The following TRIM62 variants were observed in gnomAD, a reference collection of about 807,000 sequenced individuals.
TRIM62 encodes tripartite motif containing 62, also known as E3 ubiquitin-protein ligase TRIM62.
Under a neutral mutation model 44.2 loss-of-function variants are expected in TRIM62, and 39 were observed. That is an observed-to-expected ratio of 0.88 (90% CI 0.68 to 1.15). The LOEUF is 1.15. Ranked by LOEUF, TRIM62 falls within the 50% of genes most tolerant of loss-of-function variation. The pLI is 0.00. For synonymous variants in TRIM62, 278 were observed against 292.3 expected (o/e 0.95, Z 0.50); for missense variants, 544 against 665.5 (o/e 0.82, Z 2.01).
chr1:33,170,369 T>C (rs954150868), intron 1 of TRIM62, among the ~76,000 whole-genome samples: 21 of 150,372 alleles, frequency 1.4e-4, no homozygotes, highest in African/African-American at 5.1e-4. Flanking sequence ...CCAGCCTGGG[T>C]GACAGAGCGA....
intron 1 of TRIM62, among the ~76,000 whole-genome samples, chr1:33,174,599 A>C (rs1167666486): frequency 6.6e-6 from 1 of 152,172 alleles, no homozygotes; most frequent in African/African-American, 2.4e-5. Flanking sequence ...AGAGAGAAGG[A>C]GAGCATGACT....
At chr1:33,154,396 A>C (rs1291428454) in intron 4 of TRIM62, among the ~76,000 whole-genome samples, 1 of 152,198 alleles carries the variant, frequency 6.6e-6, no homozygotes. Context: ...TCAGCCTGGC[A>C]TTCAAGGCCC....
At chr1:33,156,034 A>T (rs959737174) in intron 4 of TRIM62, among the ~76,000 whole-genome samples, 2 of 152,142 alleles carry the variant, frequency 1.3e-5, no homozygotes, top group African/African-American at 4.8e-5. Context: ...TTTGGTGCCC[A>T]CTTATTCTAC....
chr1:33,166,019 T>G (rs754466775), intron 1 of TRIM62: 1 of 152,882 alleles, frequency 6.5e-6, no homozygotes, highest in African/African-American at 2.4e-5. Context: ...TCCTCATCGC[T>G]GGCATTACCA....
rs981155455 is a variant in TRIM62 at position 33,159,977 on chromosome 1, G to C, written c.505-33C>G. ...GGACAGTCGTCAGGGGTTATGGCTGGGGGAGCAGATGGGGTGATCTCTGGG... is the reference window on the plus strand; with the variant it reads ...GGACAGTCGTCAGGGGTTATGGCTGCGGGAGCAGATGGGGTGATCTCTGGG... On this transcript the variant is annotated intron_variant, in intron 2 of 4. Transcript: ENST00000291416. This position sits in a 1 kb window ranked among gnomAD's most constrained non-coding sequence, Gnocchi z 4.2. The C allele has an allele frequency of 1.3e-5, 20 of 1,587,940 alleles. No homozygotes were observed. The highest frequency in any genetic ancestry group is 1.7e-5 in the Non-Finnish European group (20 of 1,169,852).
chr1:33,176,187 G>A (rs1645417544), intron 1 of TRIM62, among the ~76,000 whole-genome samples: 2 of 152,208 alleles, frequency 1.3e-5, no homozygotes, highest in Admixed American at 6.5e-5. Flanking sequence ...ACAAAATAAA[G>A]TGCCTCTGAA....
In TRIM62 at chr1:33,147,145, T is replaced by C. The variant is rs1331559047; in HGVS notation, c.*32A>G. 2 of 1,601,328 alleles carry C rather than the reference T, an allele frequency of 1.2e-6. No homozygotes were observed. Among genetic ancestry groups the C allele is most frequent in the South Asian group, 1.1e-5 (1 of 89,044 alleles). On this transcript the variant is annotated 3_prime_UTR_variant, in exon 5 of 5. Transcript: ENST00000291416. This position sits in a 1 kb window ranked among gnomAD's most constrained non-coding sequence, Gnocchi z 8.1. Reference sequence around the variant, plus strand: ...GCAGGGCTCTTGCAGGTGGCAGTGGTCCCAGGAGGTTGTGGTCTCCTTCTG... The same window carrying C: ...GCAGGGCTCTTGCAGGTGGCAGTGGCCCCAGGAGGTTGTGGTCTCCTTCTG...
chr1:33,146,891 T>G lies in TRIM62; in HGVS notation c.*286A>C. On this transcript the variant is annotated 3_prime_UTR_variant, in exon 5 of 5. Transcript: ENST00000291416. ...AGGTAGTCCCCTGCCCCTGAGAAGA[T>G]GGGGATGAGGGTTGGGCAGGGGTTG... is the stretch of plus-strand genomic sequence containing the variant. The G allele has an allele frequency of 9.2e-6, 4 of 433,958 alleles. No individual in the cohort carries two copies. Among genetic ancestry groups the G allele is most frequent in the South Asian group, 2.8e-5 (1 of 36,108 alleles). 26.9% of individuals were successfully genotyped at this position (433,958 alleles called of 1,614,324 possible). A position where few individuals can be genotyped will look rare whatever the true frequency, so the allele number is the denominator to read the frequency against.
Position 33,151,799 on chromosome 1 carries a change from A to T in TRIM62, c.878-4072T>A, listed in dbSNP as rs115955686. On this transcript the variant is annotated intron_variant, in intron 4 of 4. Coordinates refer to ENST00000291416, the MANE Select transcript of TRIM62 (RefSeq NM_018207.3). Reference sequence around the variant, plus strand: ...GATCATGGACTGTGGAGGTCCCAGGAGATGTTTCCCGGCCACCACTGAGCA... The same window carrying T: ...GATCATGGACTGTGGAGGTCCCAGGTGATGTTTCCCGGCCACCACTGAGCA... 2.2e-3 allele frequency among the ~76,000 whole-genome samples: 338 copies of T among 152,344 alleles called. 2 individuals are homozygous for T. Among genetic ancestry groups the T allele is most frequent in the African/African-American group, 7.8e-3 (323 of 41,578 alleles).
At chr1:33,170,618 G>A (rs1165788845) in intron 1 of TRIM62, among the ~76,000 whole-genome samples, 1 of 152,140 alleles carries the variant, frequency 6.6e-6, no homozygotes, top group Admixed American at 6.5e-5. Context: ...GAGTTCCTTG[G>A]ATGGGCTAGG....
At chr1:33,168,174 A>G (rs1251199888) in intron 1 of TRIM62, among the ~76,000 whole-genome samples, 1 of 152,152 alleles carries the variant, frequency 6.6e-6, no homozygotes, top group African/African-American at 2.4e-5. Flanking sequence ...TAAGATAGAA[A>G]AATACAAGCT....
Position 33,181,164 on chromosome 1 carries a change from G to T in TRIM62, c.269C>A (p.Ala90Glu). ...LDAILNARRA[A>E]RPCQAHDKVK... is the part of the protein sequence containing the mutation. Reference sequence around the variant, plus strand: ...CTTGTCGTGCGCCTGGCAGGGTCGCGCGGCGCGGCGCGCGTTGAGGATGGC... The same window carrying T: ...CTTGTCGTGCGCCTGGCAGGGTCGCTCGGCGCGGCGCGCGTTGAGGATGGC... Residue 90 changes from alanine (A) to glutamate (E), a missense_variant, in exon 1 of 5, where the codon GCG (alanine) becomes GAG (glutamate). Coordinates refer to ENST00000291416, the MANE Select transcript of TRIM62 (RefSeq NM_018207.3). The surrounding 1 kb of genome is among the most constrained non-coding windows in gnomAD (Gnocchi z 6.5). 1 of 1,596,980 alleles carries T rather than the reference G, an allele frequency of 6.3e-7. No individual in the cohort carries two copies.
In TRIM62 at chr1:33,147,074, C is replaced by T. The variant is rs1645029214; in HGVS notation, c.*103G>A. On this transcript the variant is annotated 3_prime_UTR_variant, in exon 5 of 5. Coordinates refer to ENST00000291416, the MANE Select transcript of TRIM62 (RefSeq NM_018207.3). The surrounding 1 kb of genome is among the most constrained non-coding windows in gnomAD (Gnocchi z 8.1). ...GGAGGGTAAACAACTGGCCTGAGGT[C>T]TCCAGTGGCCACGGTGGGCTGGAGT... 40 of 1,339,888 alleles carry T rather than the reference C, an allele frequency of 3.0e-5. 3 individuals carry two copies. In the South Asian group the frequency reaches 5.0e-4, roughly 17 times the overall value. The allele number at this position is 1,339,888 out of a possible 1,614,324, so 83.0% of individuals were successfully genotyped here.
chr1:33,147,449 A>G lies in TRIM62; in HGVS notation c.1156T>C (p.Phe386Leu). The change falls in exon 5 of 5, where the codon TTC becomes CTC. Residue 386 changes from phenylalanine to leucine, a missense_variant. Physicochemically the swap from Phe to Leu is conservative, Grantham distance 22. Transcript: ENST00000291416. This position sits in a 1 kb window ranked among gnomAD's most constrained non-coding sequence, Gnocchi z 8.1. ...CCATCGTGCATCACGATGCAGTAGA[A>G]GCCGCGGCTGGGCTGGATCTGGATG... is the stretch of plus-strand genomic sequence containing the variant. Reference protein sequence around the residue: ...GSIQIQPSRGFYCIVMHDGNQ... With the variant: ...GSIQIQPSRGLYCIVMHDGNQ... The G allele has an allele frequency of 6.2e-7, 1 of 1,613,852 alleles. No homozygotes were observed. Among genetic ancestry groups the G allele is most frequent in the Non-Finnish European group, 8.5e-7 (1 of 1,179,966 alleles).
chr1:33,148,290 A>G (rs1298137912), intron 4 of TRIM62, among the ~76,000 whole-genome samples: 1 of 152,252 alleles, frequency 6.6e-6, no homozygotes, highest in Non-Finnish European at 1.5e-5. Flanking sequence ...AATCTTTTTT[A>G]TAAGGATAAG....
At chr1:33,151,712 C>T (rs1385765494) in intron 4 of TRIM62, among the ~76,000 whole-genome samples, 1 of 152,166 alleles carries the variant, frequency 6.6e-6, no homozygotes, top group Non-Finnish European at 1.5e-5. Context: ...GTCTGGTCTC[C>T]AGGTGTGTTG....
intron 4 of TRIM62, among the ~76,000 whole-genome samples, chr1:33,157,175 C>A (rs1291661733): frequency 6.6e-6 from 1 of 152,182 alleles, no homozygotes; most frequent in Non-Finnish European, 1.5e-5. Context: ...GGCCTACAGA[C>A]CCTCGTGGTG....
Position 33,159,608 on chromosome 1 carries a change from A to G in TRIM62, c.761+80T>C. The G allele has an allele frequency of 1.3e-6, 2 of 1,507,538 alleles. No homozygotes were observed. The highest frequency in any genetic ancestry group is 1.8e-6 in the Non-Finnish European group (2 of 1,128,858). The allele number at this position is 1,507,538 out of a possible 1,614,324, so 93.4% of individuals were successfully genotyped here. ...GAAAGAATTCTCTGCTAAGGATCCC[A>G]TCTGCCTCCACTCCCACTGCCCAGC... On this transcript the variant is annotated intron_variant, in intron 3 of 4. Transcript: ENST00000291416. This position sits in a 1 kb window ranked among gnomAD's most constrained non-coding sequence, Gnocchi z 4.2.
At chr1:33,149,888 G>A (rs1348609607) in intron 4 of TRIM62, among the ~76,000 whole-genome samples, 1 of 152,188 alleles carries the variant, frequency 6.6e-6, no homozygotes, top group African/African-American at 2.4e-5. Context: ...TCTCCCTTGT[G>A]TGTCCAGAGC....
Sources: allele counts gnomAD v4.1 joint callset (sites outside exome capture counted in the v4.1 genomes callset), GRCh38; gene constraint gnomAD v4.1.1; non-coding constraint Gnocchi (gnomAD v3.1); transcripts MANE v1.5; gene names NCBI Gene and HGNC (gene_info 2026-07-23, HGNC 2026-07-21).